DEFB121: variants seen among roughly 807,000 people sequenced by gnomAD.
DEFB121 encodes the protein defensin beta 121, also known as beta-defensin 121.
Under a neutral mutation model 2.5 loss-of-function variants are expected in DEFB121, and 5 were observed. The observed-to-expected ratio is 1.96, with a 90% confidence interval of 1.03 to 4.13. DEFB121 has a LOEUF of 4.13. Ranked by LOEUF, DEFB121 falls within the 30% of genes most tolerant of loss-of-function variation. The probability of loss-of-function intolerance (pLI) is 0.00; values close to 1 mark genes in which losing one functional copy is unlikely to be tolerated. For missense variants in DEFB121, 87 were observed against 85.0 expected, an observed-to-expected ratio of 1.02 and a Z score of -0.09; for synonymous variants, 39 against 32.6, an observed-to-expected ratio of 1.20 and a Z score of -0.67.
chr20:31,414,033 C>A (rs1978737340), upstream of DEFB121, among the ~76,000 whole-genome samples: 1 of 152,130 alleles, frequency 6.6e-6, no homozygotes, highest in South Asian at 2.1e-4. Flanking sequence ...TATGGAGAAA[C>A]CCTGCCTCAA....
upstream of DEFB121, among the ~76,000 whole-genome samples, chr20:31,415,441 G>T (rs143229202): frequency 0.02 from 2,982 of 151,982 alleles, 68 homozygotes; most frequent in Middle Eastern, 0.058. Flanking sequence ...TTAGAGACAG[G>T]GTTTCACCAT....
upstream of DEFB121, among the ~76,000 whole-genome samples, chr20:31,409,188 A>G (rs1978586752): frequency 6.6e-6 from 1 of 152,224 alleles, no homozygotes; most frequent in African/African-American, 2.4e-5. Flanking sequence ...CACTTTGGAA[A>G]AACAGTTTAA....
chr20:31,417,277 GA>G (rs940851913), upstream of DEFB121, among the ~76,000 whole-genome samples: 32 of 152,096 alleles, frequency 2.1e-4, 1 homozygote, highest in Non-Finnish European at 4.4e-5. Flanking sequence ...CCTGGTAGGT[GA>G]AGGTTGCAGT....
chr20:31,405,200 G>T, intron 1 of DEFB121, 115 bp from the exon 2 acceptor site: 1 of 994,004 alleles, frequency 1.0e-6, no homozygotes, highest in Non-Finnish European at 1.5e-6. Flanking sequence ...GAGGTCTGTG[G>T]GGAAGAAGCT....
upstream of DEFB121, among the ~76,000 whole-genome samples, chr20:31,410,823 TGAGAGAGAGA>T (rs72164704): frequency 8.8e-5 from 12 of 136,148 alleles, no homozygotes; most frequent in South Asian, 2.5e-4. Flanking sequence ...CCTTGAAAAA[TGAGAGAGAGA>T]GAGAGAGAGA....
upstream of DEFB121, among the ~76,000 whole-genome samples, chr20:31,407,680 T>C (rs1978526232): frequency 6.6e-6 from 1 of 152,222 alleles, no homozygotes; most frequent in African/African-American, 2.4e-5. Flanking sequence ...GAGTGGAACA[T>C]TACATAGTAA....
chr20:31,406,131 A>G lies in DEFB121; in HGVS notation c.22T>C (p.Leu8=), dbSNP rs1169850229. The change falls in exon 1 of 2, where the codon TTG becomes CTG. Residue 8 remains leucine (L), a synonymous_variant. Coordinates refer to ENST00000376314, the MANE Select transcript of DEFB121 (RefSeq NM_001011878.3). ...TGGGCCAGGAGCAGAGTAACAGTCA[A>G]AAGCAGAAGAAGGAGCTTCATGAAT... MKLLLLL[L]TVTLLLAQVT... is the part of the protein sequence containing the mutation. 36 of 1,614,040 alleles carry G rather than the reference A, an allele frequency of 2.2e-5. No individual in the cohort carries two copies. Among genetic ancestry groups the G allele is most frequent in the Non-Finnish European group, 2.9e-5 (34 of 1,179,996 alleles).
At chr20:31,410,918 A>T (rs575837424), upstream of DEFB121, among the ~76,000 whole-genome samples, 1 of 152,158 alleles carries the variant, frequency 6.6e-6, no homozygotes, top group East Asian at 1.9e-4. Flanking sequence ...TACTTTCTTT[A>T]TGCATCCAAG....
chr20:31,415,525 C>T (rs1978782096), upstream of DEFB121, among the ~76,000 whole-genome samples: 1 of 152,158 alleles, frequency 6.6e-6, no homozygotes, highest in Middle Eastern at 3.2e-3. Context: ...ACTGGGATTA[C>T]AGGAGTGAGC....
chr20:31,417,173 C>T (rs1220088540), upstream of DEFB121, among the ~76,000 whole-genome samples: 2 of 151,982 alleles, frequency 1.3e-5, no homozygotes, highest in East Asian at 3.9e-4. Context: ...GGTGAAACCC[C>T]GTCTGTACTA....
chr20:31,415,754 G>T (rs971362078), upstream of DEFB121, among the ~76,000 whole-genome samples: 4 of 152,118 alleles, frequency 2.6e-5, no homozygotes, highest in Admixed American at 2.6e-4. Flanking sequence ...AGGCTTGAAG[G>T]AGAATAGGTT....
At position 31,406,078 on chromosome 20, in the gene DEFB121, C is replaced by T; in HGVS notation, c.58+17G>A. On this transcript the variant is annotated intron_variant, in intron 1 of 1. Transcript: ENST00000376314. ...CAGGTTTCCTGACTCCCATCCCCTT[C>T]TGGAGATCCTGTTTACCTGGGGTGA... 1 of 1,613,932 alleles carries T rather than the reference C, an allele frequency of 6.2e-7. No homozygotes were observed. The highest frequency in any genetic ancestry group is 8.5e-7 in the Non-Finnish European group (1 of 1,179,868).
chr20:31,404,870 G>A lies in DEFB121; in HGVS notation c.*43C>T. 6.2e-7 allele frequency: 1 copy of A among 1,603,060 alleles called. No homozygotes were observed. Among genetic ancestry groups the A allele is most frequent in the Non-Finnish European group, 8.5e-7 (1 of 1,174,510 alleles). On this transcript the variant is annotated 3_prime_UTR_variant, in exon 2 of 2. Transcript: ENST00000376314. ...TTGCCAAGAATGATTTAATAGAACT[G>A]CAGGATCCCATGATGTTGAGACTCA...
the DEFB121 span, among the ~76,000 whole-genome samples, chr20:31,417,963 C>T: frequency 8.9e-5 from 13 of 145,820 alleles, no homozygotes; most frequent in African/African-American, 2.6e-4. Flanking sequence ...AACTCCATTT[C>T]GAAAAAAGGG....
At chr20:31,418,096 T>C in the DEFB121 span, among the ~76,000 whole-genome samples, 1 of 146,296 alleles carries the variant, frequency 6.8e-6, no homozygotes, top group Non-Finnish European at 1.5e-5. Context: ...CCGTCTCTAC[T>C]AAAAATACAA....
At chr20:31,415,100 A>C (rs941395560), upstream of DEFB121, among the ~76,000 whole-genome samples, 9 of 152,188 alleles carry the variant, frequency 5.9e-5, no homozygotes, top group African/African-American at 2.2e-4. Context: ...AGTTTTAGAA[A>C]TCTGCTGTAC....
chr20:31,407,422 G>A (rs1324325224), upstream of DEFB121, among the ~76,000 whole-genome samples: 2 of 152,180 alleles, frequency 1.3e-5, no homozygotes, highest in Non-Finnish European at 2.9e-5. Flanking sequence ...AGAAGTGACG[G>A]TGTGCCGGTT....
chr20:31,416,066 G>GTTTA (rs1367230413), upstream of DEFB121, among the ~76,000 whole-genome samples: 222 of 151,830 alleles, frequency 1.5e-3, 2 homozygotes, highest in African/African-American at 5.0e-3. Flanking sequence ...TTGTTTGTTT[G>GTTTA]TTTGTTTGTT....
chr20:31,410,849 AG>A (rs1367661494), upstream of DEFB121, among the ~76,000 whole-genome samples: 1 of 151,904 alleles, frequency 6.6e-6, no homozygotes, highest in African/African-American at 2.4e-5. Flanking sequence ...AGAGAGAGAG[AG>A]AGAGAAAGAG....
Sources: gnomAD v4.1 joint callset for allele counts (sites outside exome capture counted in the v4.1 genomes callset) on GRCh38, gnomAD v4.1.1 for gene constraint, MANE v1.5 for transcripts, NCBI Gene and HGNC (gene_info 2026-07-23, HGNC 2026-07-21) for gene names.